Variants in POTEG observed in about 807,000 individuals in gnomAD.
POTEG encodes the protein ANKRD26-like family C member 2.
POTEG carries 2 observed loss-of-function variants against 49.6 expected under a neutral mutation model. The ratio of observed to expected loss-of-function variants is 0.04; its 90% CI spans 0.02 to 0.13. The LOEUF is 0.13. Among genes scored for constraint, POTEG ranks in the 10% least tolerant of loss-of-function variants. The pLI is 1.00. For missense variants in POTEG, 26 were observed against 545.2 expected (o/e 0.05, Z 9.48); for synonymous variants, 7 against 186.6 (o/e 0.04, Z 7.84).
chr14:19,419,989 C>T lies in POTEG; in HGVS notation c.1126+1635G>A, dbSNP rs1159899250. 2.1e-5 allele frequency among the ~76,000 whole-genome samples: 3 copies of T among 142,390 alleles called. No individual in the cohort carries two copies. In the East Asian group the frequency reaches 6.1e-4, roughly 29 times the overall value. The allele number at this position is 142,390 out of a possible 152,430, so 93.4% of individuals were successfully genotyped here. A position where few individuals can be genotyped will look rare whatever the true frequency, so the allele number is the denominator to read the frequency against. ...CCTTAGCTGAGTATTCACCTCATTC[C>T]CAACCTCTCGTATCTCACACTTTTG... On this transcript the variant is annotated intron_variant, in intron 6 of 10. Transcript: ENST00000547848.
intron 6 of POTEG, among the ~76,000 whole-genome samples, chr14:19,420,048 C>T (rs1405116868): frequency 7.6e-6 from 1 of 131,124 alleles, no homozygotes; most frequent in African/African-American, 3.2e-5. Flanking sequence ...AGAATCCCTG[C>T]AAAGTTCACT....
intron 9 of POTEG, 82 bp downstream of exon 9, chr14:19,413,272 T>TA: frequency 1.8e-6 from 1 of 556,116 alleles, no homozygotes; most frequent in East Asian, 3.9e-5. Context: ...CTGAATATCC[T>TA]AGTAAAAGTA....
chr14:19,423,425 TG>T (rs1211413703), intron 5 of POTEG: 60 of 88,310 alleles, frequency 6.8e-4, no homozygotes, highest in African/African-American at 2.0e-3. Flanking sequence ...GTTCTGAATA[TG>T]GGGGGAAGGG....
rs1274626114 is a variant in POTEG, at chr14:19,426,441, A to G, written c.811-729T>C. Among the ~76,000 whole-genome samples, 3 of 151,962 alleles carry G rather than the reference A, an allele frequency of 2.0e-5. No homozygotes were observed. In the East Asian group the frequency reaches 5.8e-4, roughly 29 times the overall value. ...AATACAGCTTCAATTGATAAAAAAC[A>G]GTTTAGAATTTGCTTAATTCCAATT... On this transcript the variant is annotated intron_variant, in intron 3 of 10. Coordinates refer to ENST00000547848, the MANE Select transcript of POTEG (RefSeq NM_001005356.3).
intron 7 of POTEG, among the ~76,000 whole-genome samples, chr14:19,415,161 C>T (rs1354708531): frequency 3.5e-5 from 5 of 144,468 alleles, no homozygotes; most frequent in Non-Finnish European, 7.8e-5. Flanking sequence ...AAATTATATA[C>T]TGTAATATGA....
chr14:19,413,460 T>TAA lies in POTEG; in HGVS notation c.1302_1303insTT (p.Asn435LeufsTer13). 9.2e-7 allele frequency: 1 copy of TAA among 1,090,718 alleles called. No individual in the cohort carries two copies. Among genetic ancestry groups the TAA allele is most frequent in the East Asian group, 2.8e-5 (1 of 35,258 alleles). 67.6% of individuals were successfully genotyped at this position (1,090,718 alleles called of 1,614,324 possible). A position where few individuals can be genotyped will look rare whatever the true frequency, so the allele number is the denominator to read the frequency against. On this transcript the variant is annotated frameshift_variant, in exon 9 of 11. Transcript: ENST00000547848. LOFTEE classifies it high-confidence loss of function. Reference sequence around the variant, plus strand: ...TCACCATTGTCAGCAGTGGCACCGTTAGGCAGGTTTTCTGGGAATCCCATA... The same window carrying TAA: ...TCACCATTGTCAGCAGTGGCACCGTTAAAGGCAGGTTTTCTGGGAATCCCATA...
chr14:19,416,035 G>A (rs1384222550), intron 7 of POTEG, among the ~76,000 whole-genome samples: 4 of 146,340 alleles, frequency 2.7e-5, no homozygotes, highest in East Asian at 4.0e-4. Flanking sequence ...TAGTAGAGAC[G>A]GGGTTTCATC....
At chr14:19,431,599 TTTTG>T (rs1285761005) in intron 1 of POTEG, among the ~76,000 whole-genome samples, 297 of 83,812 alleles carry the variant, frequency 3.5e-3, no homozygotes, top group African/African-American at 0.016. Flanking sequence ...ATTTCATTCC[TTTTG>T]TTTGTTTGTT....
At chr14:19,421,435 TA>T (rs2139165968) in intron 6 of POTEG, 188 bp downstream of exon 6, 1 of 767,168 alleles carries the variant, frequency 1.3e-6, no homozygotes, top group East Asian at 3.0e-5. Flanking sequence ...GTTGTATAAT[TA>T]TTTCATTATA....
At chr14:19,425,522 A>T in intron 4 of POTEG, 84 bp downstream of exon 4, 1 of 525,314 alleles carries the variant, frequency 1.9e-6, no homozygotes, top group Non-Finnish European at 2.8e-6. Flanking sequence ...TATCCCAATA[A>T]GTATACATTA....
At chr14:19,426,502 G>A (rs1361734102) in intron 3 of POTEG, among the ~76,000 whole-genome samples, 1 of 152,156 alleles carries the variant, frequency 6.6e-6, no homozygotes, top group African/African-American at 2.4e-5. Flanking sequence ...ACTGACCTAA[G>A]CACTTGAATG....
At chr14:19,415,840 T>A (rs1298888995) in intron 7 of POTEG, among the ~76,000 whole-genome samples, 3,691 of 129,112 alleles carry the variant, frequency 0.029, 69 homozygotes, top group East Asian at 0.076. Flanking sequence ...TTTTTTTTTT[T>A]TTTTTTTTTT....
At chr14:19,427,016 A>C in intron 3 of POTEG, 1 of 341,944 alleles carries the variant, frequency 2.9e-6, no homozygotes. Context: ...AGTCAGATTA[A>C]TGTTATTGGA....
At chr14:19,414,983 C>A (rs1254919648) in intron 7 of POTEG, among the ~76,000 whole-genome samples, 46 of 142,200 alleles carry the variant, frequency 3.2e-4, no homozygotes, top group African/African-American at 1.1e-3. Context: ...GCAAAACCTT[C>A]CTCACTTGAA....
Position 19,416,272 on chromosome 14 carries a change from T to A in POTEG, c.1197+16A>T, listed in dbSNP as rs1221480191. ...AAAACGTTAAACCAAAAGTTTAAAT[T>A]TAAGAGTTTCCATGCCTCTGGCTGG... On this transcript the variant is annotated intron_variant, in intron 7 of 10. Coordinates refer to ENST00000547848, the MANE Select transcript of POTEG (RefSeq NM_001005356.3). The A allele has an allele frequency of 6.3e-7, 1 of 1,575,232 alleles. No individual in the cohort carries two copies. Among genetic ancestry groups the A allele is most frequent in the South Asian group, 1.2e-5 (1 of 82,922 alleles).
intron 6 of POTEG, among the ~76,000 whole-genome samples, chr14:19,418,997 A>C (rs1883656648): frequency 8.5e-6 from 1 of 117,582 alleles, no homozygotes; most frequent in African/African-American, 3.8e-5. Context: ...AAAAAAGCAT[A>C]ACACCAAAAA....
Position 19,414,545 on chromosome 14 carries a change from T to G in POTEG, c.1242+17A>C. ...AAAAATCTAATTCAACACAAACATT[T>G]GAATATAAAAGTATACCTTTCTATC... On this transcript the variant is annotated intron_variant, in intron 8 of 10. Transcript: ENST00000547848. The G allele has an allele frequency of 6.3e-7, 1 of 1,595,132 alleles. No homozygotes were observed. The highest frequency in any genetic ancestry group is 1.4e-5 in the African/African-American group (1 of 73,982).
intron 1 of POTEG, among the ~76,000 whole-genome samples, chr14:19,433,425 C>A (rs1884241934): frequency 1.3e-5 from 1 of 76,436 alleles, no homozygotes; most frequent in African/African-American, 5.4e-5. Context: ...GGGCTTCATT[C>A]TTAGTTCTCA....
chr14:19,415,244 T>A (rs1223675528), intron 7 of POTEG, among the ~76,000 whole-genome samples: 2 of 142,448 alleles, frequency 1.4e-5, no homozygotes, highest in African/African-American at 5.0e-5. Flanking sequence ...TGACAGTAGA[T>A]AAAAATTTTA....
Sources: gnomAD v4.1 joint callset for allele counts (sites outside exome capture counted in the v4.1 genomes callset) on GRCh38, gnomAD v4.1.1 for gene constraint, MANE v1.5 for transcripts, NCBI Gene and HGNC (gene_info 2026-07-23, HGNC 2026-07-21) for gene names.